The following INPP4B variants were observed in gnomAD, a reference collection of about 807,000 sequenced individuals.
The protein encoded by INPP4B is inositol polyphosphate 4-phosphatase type II.
Under a neutral mutation model 122.5 loss-of-function variants are expected in INPP4B, and 55 were observed. That is an observed-to-expected ratio of 0.45 (90% CI 0.36 to 0.56). The LOEUF is 0.56. Ranked by LOEUF, INPP4B falls within the 20% of genes least tolerant of loss-of-function variation. INPP4B has a pLI of 0.00. For missense variants in INPP4B, 1,000 were observed against 1,097.7 expected, an observed-to-expected ratio of 0.91 and a Z score of 1.26; for synonymous variants, 403 against 388.7, an observed-to-expected ratio of 1.04 and a Z score of -0.43.
chr4:142,181,863 T>C (rs974008060), intron 15 of INPP4B, among the ~76,000 whole-genome samples: 1 of 152,220 alleles, frequency 6.6e-6, no homozygotes, highest in African/African-American at 2.4e-5. Context: ...CAGATTAATA[T>C]AGTAATTGAC....
chr4:142,782,610 G>C (rs1362636663), intron 1 of INPP4B, among the ~76,000 whole-genome samples: 5 of 151,598 alleles, frequency 3.3e-5, no homozygotes, highest in African/African-American at 4.9e-5. Context: ...CAGTGTAAAA[G>C]TGTTCCTATT....
rs149746945 is a variant in INPP4B, at chr4:142,417,720, CTGAT to C, written c.136+11449_136+11452del. On this transcript the variant is annotated intron_variant, in intron 5 of 25. Coordinates refer to ENST00000262992, the MANE Select transcript of INPP4B (RefSeq NM_001101669.3). Reference sequence around the variant, plus strand: ...ATTCTTAGTGCTTTAGGAATGCTGTCTGATTGAGTTTGCAAAACGACCCAGGAAT... The same window carrying C: ...ATTCTTAGTGCTTTAGGAATGCTGTCTGAGTTTGCAAAACGACCCAGGAAT... Among the ~76,000 whole-genome samples the C allele has an allele frequency of 8.9e-3, 1,353 of 152,134 alleles. 19 individuals are homozygous for C. The highest frequency in any genetic ancestry group is 0.03 in the African/African-American group (1,265 of 41,502).
chr4:142,377,752 G>C (rs1048289522), intron 7 of INPP4B, among the ~76,000 whole-genome samples: 1 of 152,054 alleles, frequency 6.6e-6, no homozygotes, highest in South Asian at 2.1e-4. Context: ...AGAATGCAGA[G>C]TATTAGAGTA....
rs181801327 is a variant in INPP4B at position 142,413,581 on chromosome 4, G to A, written c.137-8257C>T. On this transcript the variant is annotated intron_variant, in intron 5 of 25. Transcript: ENST00000262992. ...ATAAAACATGCAAAGAAGGTGAGGT[G>A]TGGCAGGAAGCATAATTTGCTAAAT... Among the ~76,000 whole-genome samples, 935 of 152,246 alleles carry A rather than the reference G, an allele frequency of 6.1e-3. 8 individuals are homozygous for A. Among genetic ancestry groups the A allele is most frequent in the African/African-American group, 0.02 (848 of 41,542 alleles).
intron 11 of INPP4B, among the ~76,000 whole-genome samples, chr4:142,256,748 G>A (rs1175268036): frequency 1.3e-5 from 2 of 152,108 alleles, no homozygotes; most frequent in African/African-American, 2.4e-5. Context: ...AGGACCAGAT[G>A]GATTCACAGC....
chr4:142,233,200 ATGTG>A (rs756193293), intron 12 of INPP4B, among the ~76,000 whole-genome samples: 3 of 145,960 alleles, frequency 2.1e-5, no homozygotes, highest in East Asian at 2.0e-4. Flanking sequence ...GTGTCTGTAT[ATGTG>A]TGTGTGTGTG....
chr4:142,050,266 C>T (rs1469351696), intron 25 of INPP4B, among the ~76,000 whole-genome samples: 5 of 151,886 alleles, frequency 3.3e-5, no homozygotes, highest in Non-Finnish European at 7.4e-5. Flanking sequence ...CTAAAACATG[C>T]TTATGTAGAA....
chr4:142,213,342 G>A (rs995761514), intron 12 of INPP4B, among the ~76,000 whole-genome samples: 1 of 152,104 alleles, frequency 6.6e-6, no homozygotes. Flanking sequence ...GTCTGTTTCT[G>A]GCATTTAATA....
chr4:142,611,757 C>T (rs527472857), intron 2 of INPP4B, among the ~76,000 whole-genome samples: 1 of 147,270 alleles, frequency 6.8e-6, no homozygotes, highest in South Asian at 2.1e-4. Flanking sequence ...CAAGCTCTGC[C>T]TCTGAGGTTC....
At chr4:142,029,185 A>G in intron 25 of INPP4B, 2 of 1,107,962 alleles carry the variant, frequency 1.8e-6, no homozygotes, top group Non-Finnish European at 2.2e-6. Flanking sequence ...TTGCTCCACA[A>G]TACAGCTCCA....
chr4:142,480,653 T>C (rs1327308461), intron 2 of INPP4B, among the ~76,000 whole-genome samples: 1 of 152,170 alleles, frequency 6.6e-6, no homozygotes, highest in Non-Finnish European at 1.5e-5. Context: ...CATTTCTCCA[T>C]ACAAATTCTA....
chr4:142,655,740 T>C (rs143822428), intron 2 of INPP4B, among the ~76,000 whole-genome samples: 1 of 152,324 alleles, frequency 6.6e-6, no homozygotes, highest in East Asian at 1.9e-4. Context: ...TTATTTTGAT[T>C]TGTGTACATT....
At chr4:142,123,508 C>T (rs1797445153) in intron 19 of INPP4B, 93 bp from the exon 20 acceptor site, 14 of 1,262,694 alleles carry the variant, frequency 1.1e-5, no homozygotes, top group South Asian at 5.9e-5. Context: ...ATCACAGATT[C>T]GATTATCAGG....
intron 2 of INPP4B, among the ~76,000 whole-genome samples, chr4:142,615,652 G>T (rs1296917740): frequency 6.6e-6 from 1 of 151,990 alleles, no homozygotes; most frequent in Admixed American, 6.6e-5. Context: ...CGAGTCAGTT[G>T]TGCCTAAACT....
At chr4:142,271,285 A>G (rs1319463334) in intron 9 of INPP4B, among the ~76,000 whole-genome samples, 9 of 152,192 alleles carry the variant, frequency 5.9e-5, no homozygotes, top group Non-Finnish European at 1.3e-4. Flanking sequence ...GTGAGGTAAG[A>G]GCACGGACTG....
At chr4:142,780,558 G>A (rs79067978) in intron 1 of INPP4B, among the ~76,000 whole-genome samples, 12,314 of 152,134 alleles carry the variant, frequency 0.081, 586 homozygotes, top group Middle Eastern at 0.13. Flanking sequence ...CAGCACTTTG[G>A]GAGGCCGAGG....
chr4:142,042,508 A>ATGTGTGTGTGTGTGTGTATGTG (rs368600069), intron 25 of INPP4B, among the ~76,000 whole-genome samples: 87 of 142,404 alleles, frequency 6.1e-4, no homozygotes, highest in African/African-American at 2.1e-3. Flanking sequence ...CTGCCAATTT[A>ATGTGTGTGTGTGTGTGTATGTG]TGTGTGTGTG....
At chr4:142,427,698 C>A (rs1021654396) in intron 5 of INPP4B, among the ~76,000 whole-genome samples, 2 of 151,958 alleles carry the variant, frequency 1.3e-5, no homozygotes, top group African/African-American at 4.8e-5. Flanking sequence ...CTCCAGCAGG[C>A]AAACAAGAAA....
intron 2 of INPP4B, among the ~76,000 whole-genome samples, chr4:142,675,947 T>C (rs890051462): frequency 2.6e-5 from 4 of 152,188 alleles, no homozygotes; most frequent in Admixed American, 6.5e-5. Context: ...AAGACAAGGA[T>C]GCCCTCTCTC....
Sources: allele counts gnomAD v4.1 joint callset (sites outside exome capture counted in the v4.1 genomes callset), GRCh38; gene constraint gnomAD v4.1.1; transcripts MANE v1.5; gene names NCBI Gene and HGNC (gene_info 2026-07-23, HGNC 2026-07-21).